ME2: variants seen among roughly 807,000 people sequenced by gnomAD.
The protein encoded by ME2 is NAD-dependent malic enzyme, mitochondrial.
A neutral mutation model predicts 73.7 loss-of-function variants in ME2; 60 were observed. The observed-to-expected ratio is 0.81, with a 90% confidence interval of 0.66 to 1.01. ME2 has a LOEUF of 1.01. Ranked by LOEUF, ME2 falls within the 50% of genes least tolerant of loss-of-function variation. ME2 has a pLI of 0.00. For missense variants in ME2, 594 were observed against 705.5 expected, an observed-to-expected ratio of 0.84 and a Z score of 1.79; for synonymous variants, 199 against 236.9, an observed-to-expected ratio of 0.84 and a Z score of 1.47.
chr18:50,939,416 T>G, intron 13 of ME2, 154 bp from the exon 14 acceptor site: 1 of 525,200 alleles, frequency 1.9e-6, no homozygotes, highest in Non-Finnish European at 3.4e-6. Flanking sequence ...CGTTTGATTT[T>G]AACTCAGATT....
intron 12 of ME2, among the ~76,000 whole-genome samples, chr18:50,930,661 A>T (rs982538678): frequency 6.6e-6 from 1 of 152,158 alleles, no homozygotes; most frequent in Non-Finnish European, 1.5e-5. Context: ...ATCTTTCTAA[A>T]TTTCCAAACT....
At chr18:50,930,215 G>A (rs914733466) in intron 12 of ME2, among the ~76,000 whole-genome samples, 3 of 152,110 alleles carry the variant, frequency 2.0e-5, no homozygotes, top group Admixed American at 6.6e-5. Flanking sequence ...AGCTGTGATC[G>A]TGCCACTGAA....
intron 1 of ME2, among the ~76,000 whole-genome samples, chr18:50,889,435 G>T (rs528826982): frequency 3.1e-4 from 47 of 152,140 alleles, no homozygotes; most frequent in African/African-American, 1.1e-3. Context: ...GTCCAGAGAG[G>T]GCATGGAAAC....
chr18:50,910,549 C>T (rs956402717), intron 3 of ME2, among the ~76,000 whole-genome samples: 1 of 152,014 alleles, frequency 6.6e-6, no homozygotes, highest in African/African-American at 2.4e-5. Context: ...CCATTCTGCA[C>T]AGCAATGTTA....
chr18:50,939,548 TA>T, intron 13 of ME2, 21 bp from the exon 14 acceptor site: 1 of 1,560,078 alleles, frequency 6.4e-7, no homozygotes, highest in Non-Finnish European at 8.8e-7. Context: ...ACCATACTAG[TA>T]AACTTTAAAA....
intron 10 of ME2, among the ~76,000 whole-genome samples, 172 bp downstream of exon 10, chr18:50,921,359 A>T (rs1917424103): frequency 6.6e-6 from 1 of 152,092 alleles, no homozygotes; most frequent in African/African-American, 2.4e-5. Flanking sequence ...TTTTACAAAG[A>T]CTTCTGCTTC....
chr18:50,945,756 A>G (rs978097831), intron 15 of ME2, among the ~76,000 whole-genome samples: 10 of 152,172 alleles, frequency 6.6e-5, no homozygotes, highest in Non-Finnish European at 8.8e-5. Flanking sequence ...ACCATATGTC[A>G]CTACATTTTT....
intron 1 of ME2, among the ~76,000 whole-genome samples, chr18:50,888,399 G>A (rs1916529001): frequency 6.6e-6 from 1 of 151,508 alleles, no homozygotes; most frequent in Non-Finnish European, 1.5e-5. Context: ...TTGAAAAATG[G>A]GATTTAGAAA....
At chr18:50,944,570 C>T (rs963659021) in intron 15 of ME2, among the ~76,000 whole-genome samples, 1 of 152,228 alleles carries the variant, frequency 6.6e-6, no homozygotes, top group Non-Finnish European at 1.5e-5. Flanking sequence ...TTTCTCCAAT[C>T]TCATGCCTTG....
At chr18:50,914,894 GGATT>G (rs1234098281) in intron 4 of ME2, among the ~76,000 whole-genome samples, 2 of 151,876 alleles carry the variant, frequency 1.3e-5, no homozygotes, top group African/African-American at 4.8e-5. Flanking sequence ...TTTGAAATCT[GGATT>G]GATTATCTGA....
At position 50,905,738 on chromosome 18, in the gene ME2, T is replaced by C. The variant is rs576791711; in HGVS notation, c.109-2325T>C. Among the ~76,000 whole-genome samples, 3 of 152,358 alleles carry C rather than the reference T, an allele frequency of 2.0e-5. No individual in the cohort carries two copies. The East Asian group carries it at 5.8e-4, about 29-fold the overall frequency. Reference sequence around the variant, plus strand: ...TCAATAGAAATAAATGTCTGGATTATGATAGGAGGCTTTGGAGACCAGAGT... The same window carrying C: ...TCAATAGAAATAAATGTCTGGATTACGATAGGAGGCTTTGGAGACCAGAGT... On this transcript the variant is annotated intron_variant, in intron 2 of 15. Transcript: ENST00000321341.
chr18:50,913,410 T>A (rs951164579), intron 4 of ME2: 2 of 153,000 alleles, frequency 1.3e-5, no homozygotes, highest in Non-Finnish European at 2.9e-5. Flanking sequence ...CTTGGCTCAC[T>A]GCAACCTCTG....
chr18:50,913,106 C>A, intron 4 of ME2, 156 bp downstream of exon 4: 1 of 521,314 alleles, frequency 1.9e-6, no homozygotes, highest in Non-Finnish European at 3.2e-6. Flanking sequence ...TAACAAAATC[C>A]CAACATATTC....
intron 13 of ME2, chr18:50,935,751 CAA>C (rs34993879): frequency 2.3e-4 from 13 of 57,294 alleles, no homozygotes; most frequent in Non-Finnish European, 1.8e-4. Context: ...GACCCTGTCT[CAA>C]AAAAAAAAAA....
chr18:50,900,915 T>G (rs1916874072), intron 2 of ME2, among the ~76,000 whole-genome samples: 1 of 152,216 alleles, frequency 6.6e-6, no homozygotes, highest in African/African-American at 2.4e-5. Context: ...GTTAAACCTC[T>G]TTTCTTATAA....
intron 12 of ME2, among the ~76,000 whole-genome samples, chr18:50,929,450 T>C (rs775998618): frequency 2.1e-5 from 3 of 146,154 alleles, no homozygotes; most frequent in Non-Finnish European, 4.5e-5. Context: ...ATCGTGCCAC[T>C]GCACTCCAGC....
chr18:50,912,796 T>G lies in ME2; in HGVS notation c.243-5T>G. 4 of 1,564,156 alleles carry G rather than the reference T, an allele frequency of 2.6e-6. No individual in the cohort carries two copies. The highest frequency in any genetic ancestry group is 3.5e-6 in the Non-Finnish European group (4 of 1,150,676). ...TTAGACATTATTTACTGTGCTTCAT[T>G]TCAGATATATCTACATAATGGGAAT... On this transcript the variant is annotated splice_polypyrimidine_tract_variant and splice_region_variant and intron_variant, in intron 3 of 15. Coordinates refer to ENST00000321341, the MANE Select transcript of ME2 (RefSeq NM_002396.5).
Position 50,910,308 on chromosome 18 carries a change from G to T in ME2, c.242+2112G>T, listed in dbSNP as rs1404220642. On this transcript the variant is annotated intron_variant, in intron 3 of 15. Transcript: ENST00000321341. Reference sequence around the variant, plus strand: ...AAAAAAAAAAGCCAGGCATGGTGTCGCATACCTATAGTTGCAGCAGCTCAG... The same window carrying T: ...AAAAAAAAAAGCCAGGCATGGTGTCTCATACCTATAGTTGCAGCAGCTCAG... 7.6e-5 allele frequency among the ~76,000 whole-genome samples: 11 copies of T among 144,136 alleles called. 1 individual carries two copies. Among genetic ancestry groups the T allele is most frequent in the African/African-American group, 2.8e-4 (11 of 38,828 alleles). The allele number at this position is 144,136 out of a possible 152,430, so 94.6% of individuals were successfully genotyped here.
At chr18:50,901,647 A>G (rs186272898) in intron 2 of ME2, among the ~76,000 whole-genome samples, 3 of 152,336 alleles carry the variant, frequency 2.0e-5, no homozygotes, top group East Asian at 3.9e-4. Flanking sequence ...GCTGAGGTCT[A>G]TTATGATTAC....
Sources: allele counts gnomAD v4.1 joint callset (sites outside exome capture counted in the v4.1 genomes callset), GRCh38; gene constraint gnomAD v4.1.1; transcripts MANE v1.5; gene names NCBI Gene and HGNC (gene_info 2026-07-23, HGNC 2026-07-21).